Variants in ARPIN observed in about 807,000 individuals in gnomAD.
The protein encoded by ARPIN is actin related protein 2/3 complex inhibitor.
ARPIN carries 23 observed loss-of-function variants against 25.9 expected under a neutral mutation model. The ratio of observed to expected loss-of-function variants is 0.89; its 90% CI spans 0.64 to 1.26. ARPIN has a LOEUF of 1.26. ARPIN is among the 50% of genes most tolerant of loss of function. ARPIN has a pLI of 0.00. For synonymous variants in ARPIN, 126 were observed against 131.4 expected (o/e 0.96, Z 0.28); for missense variants, 333 against 312.2 (o/e 1.07, Z -0.50).
At position 89,897,479 on chromosome 15, in the gene ARPIN, C is replaced by T. The variant is rs1207154003; in HGVS notation, c.*4316G>A. The T allele has an allele frequency of 6.6e-6, 1 of 152,078 alleles. No individual in the cohort carries two copies. Among genetic ancestry groups the T allele is most frequent in the Non-Finnish European group, 1.5e-5 (1 of 68,126 alleles). The allele number at this position is 152,078 out of a possible 1,614,324, so 9.4% of individuals were successfully genotyped here. On this transcript the variant is annotated 3_prime_UTR_variant, in exon 6 of 6. Coordinates refer to ENST00000357484, the MANE Select transcript of ARPIN (RefSeq NM_182616.4). ...CAGCCTGGGCAACAAGAGCAAAACT[C>T]CATCTCAAAAAAAAGAAGAAGAAAA...
intron 4 of ARPIN, 117 bp downstream of exon 4, chr15:89,903,660 G>C (rs549032724): frequency 3.4e-6 from 5 of 1,490,754 alleles, no homozygotes; most frequent in Non-Finnish European, 4.5e-6. Context: ...GGGCTTGGTC[G>C]TGTCCCCATG....
rs3803535 is a variant in ARPIN, at chr15:89,898,574, T to G, written c.*3221A>C. The G allele has an allele frequency of 0.23, 34,862 of 152,120 alleles. 4,854 individuals are homozygous for G. The highest frequency in any genetic ancestry group is 0.35 in the South Asian group (1,692 of 4,818). 9.4% of individuals were successfully genotyped at this position (152,120 alleles called of 1,614,324 possible). Reference sequence around the variant, plus strand: ...TAACACTACGTTTGTTCCAACAAATTAGATCATAGAAACACCACCACTTTT... The same window carrying G: ...TAACACTACGTTTGTTCCAACAAATGAGATCATAGAAACACCACCACTTTT... On this transcript the variant is annotated 3_prime_UTR_variant, in exon 6 of 6. Coordinates refer to ENST00000357484, the MANE Select transcript of ARPIN (RefSeq NM_182616.4).
At chr15:89,911,561 A>T (rs145090973) in intron 1 of ARPIN, among the ~76,000 whole-genome samples, 1 of 152,140 alleles carries the variant, frequency 6.6e-6, no homozygotes, top group Non-Finnish European at 1.5e-5. Context: ...AACTCTACCT[A>T]GCTGGTCTCT....
chr15:89,910,638 GA>G, intron 2 of ARPIN, 105 bp downstream of exon 2: 1 of 1,415,160 alleles, frequency 7.1e-7, no homozygotes, highest in Non-Finnish European at 9.8e-7. Flanking sequence ...AGCCCATCAA[GA>G]ATCCCAACTC....
chr15:89,899,307 ACTC>A lies in ARPIN; in HGVS notation c.*2485_*2487del, dbSNP rs1896980631. On this transcript the variant is annotated 3_prime_UTR_variant, in exon 6 of 6. Coordinates refer to ENST00000357484, the MANE Select transcript of ARPIN (RefSeq NM_182616.4). ...ACTGTGTTGATCAGGCTGGTTTCGA[ACTC>A]CTGACCTCAAGTGATCCGCCCACCT... The A allele has an allele frequency of 6.6e-6, 1 of 151,620 alleles. No homozygotes were observed. Among genetic ancestry groups the A allele is most frequent in the Non-Finnish European group, 1.5e-5 (1 of 68,038 alleles). 9.4% of individuals were successfully genotyped at this position (151,620 alleles called of 1,614,324 possible). A position where few individuals can be genotyped will look rare whatever the true frequency, so the allele number is the denominator to read the frequency against.
In ARPIN at chr15:89,895,528, A is replaced by G. The variant is rs895840798; in HGVS notation, c.*6267T>C. ...GTAATATCAGTTTCCTAAACTGGAAAACTGGAAAATGAGTCTACTGACTTC... is the reference window on the plus strand; with the variant it reads ...GTAATATCAGTTTCCTAAACTGGAAGACTGGAAAATGAGTCTACTGACTTC... On this transcript the variant is annotated 3_prime_UTR_variant, in exon 6 of 6. Coordinates refer to ENST00000357484, the MANE Select transcript of ARPIN (RefSeq NM_182616.4). The G allele has an allele frequency of 2.0e-5, 3 of 152,248 alleles. No homozygotes were observed. The highest frequency in any genetic ancestry group is 2.0e-4 in the Admixed American group (3 of 15,286). 9.4% of individuals were successfully genotyped at this position (152,248 alleles called of 1,614,324 possible). A position where few individuals can be genotyped will look rare whatever the true frequency, so the allele number is the denominator to read the frequency against.
chr15:89,897,019 G>C lies in ARPIN; in HGVS notation c.*4776C>G, dbSNP rs1896940792. The C allele has an allele frequency of 6.6e-6, 1 of 152,170 alleles. No individual in the cohort carries two copies. The highest frequency in any genetic ancestry group is 2.4e-5 in the African/African-American group (1 of 41,418). 9.4% of individuals were successfully genotyped at this position (152,170 alleles called of 1,614,324 possible). On this transcript the variant is annotated 3_prime_UTR_variant, in exon 6 of 6. Coordinates refer to ENST00000357484, the MANE Select transcript of ARPIN (RefSeq NM_182616.4). Reference sequence around the variant, plus strand: ...AGATTCTCAGTAATATGACTCCTGGGCATCTGTTCCTAAAGAAATAACCCA... The same window carrying C: ...AGATTCTCAGTAATATGACTCCTGGCCATCTGTTCCTAAAGAAATAACCCA...
chr15:89,909,255 A>G (rs1244013409), intron 2 of ARPIN, among the ~76,000 whole-genome samples: 5 of 152,172 alleles, frequency 3.3e-5, no homozygotes, highest in Non-Finnish European at 7.3e-5. Flanking sequence ...GAACTGTGCT[A>G]TAAGTGCTGT....
In ARPIN at chr15:89,898,143, T is replaced by C. The variant is rs1017922063; in HGVS notation, c.*3652A>G. On this transcript the variant is annotated 3_prime_UTR_variant, in exon 6 of 6. Transcript: ENST00000357484. ...AAAAAAAAAAGAAAGAAAGAAAATT[T>C]CCCATATGAATGAAGCTCAGAGGAT... is the stretch of plus-strand genomic sequence containing the variant. The C allele has an allele frequency of 1.3e-4, 19 of 151,776 alleles. No individual in the cohort carries two copies. The highest frequency in any genetic ancestry group is 4.4e-4 in the African/African-American group (18 of 41,284). The allele number at this position is 151,776 out of a possible 1,614,324, so 9.4% of individuals were successfully genotyped here.
chr15:89,904,101 A>C, intron 3 of ARPIN, 118 bp from the exon 4 acceptor site: 2 of 1,250,682 alleles, frequency 1.6e-6, no homozygotes, highest in South Asian at 1.5e-5. Context: ...GGAGGCTGGG[A>C]CTCAGTGCCC....
chr15:89,902,831 C>G (rs74893277), intron 5 of ARPIN: 76,004 of 1,149,504 alleles, frequency 0.066, 2,838 homozygotes, highest in Middle Eastern at 0.086. Context: ...ACACTTCAGG[C>G]AAGGAGCCCA....
chr15:89,902,411 A>AAAAAT (rs889453323), intron 5 of ARPIN, among the ~76,000 whole-genome samples: 4 of 152,154 alleles, frequency 2.6e-5, no homozygotes, highest in Admixed American at 6.6e-5. Context: ...TCCGTCTCAA[A>AAAAAT]AAAATAAAAT....
In ARPIN at chr15:89,912,775, G is replaced by T; in HGVS notation, c.61C>A (p.Pro21Thr). ...RNKAVQSVRL[P>T]GAWDPAAHQG... ...TGGGCGGCGGGGTCCCAGGCCCCTG[G>T]CAGCCGGACGCTCTGCACCGCCTTG... The change falls in exon 1 of 6, where the codon CCA (proline) becomes ACA (threonine). Residue 21 changes from proline (P) to threonine (T), a missense_variant. Transcript: ENST00000357484. 6.7e-7 allele frequency: 1 copy of T among 1,503,652 alleles called. No individual in the cohort carries two copies. Among genetic ancestry groups the T allele is most frequent in the Non-Finnish European group, 8.8e-7 (1 of 1,130,712 alleles). 93.1% of individuals were successfully genotyped at this position (1,503,652 alleles called of 1,614,324 possible).
At chr15:89,911,563 C>G (rs909955072) in intron 1 of ARPIN, among the ~76,000 whole-genome samples, 2 of 152,180 alleles carry the variant, frequency 1.3e-5, no homozygotes, top group Non-Finnish European at 2.9e-5. Context: ...CTCTACCTAG[C>G]TGGTCTCTAT....
At chr15:89,912,662 A>AC in intron 1 of ARPIN, 82 bp downstream of exon 1, 1 of 661,660 alleles carries the variant, frequency 1.5e-6, no homozygotes, top group South Asian at 2.9e-5. Flanking sequence ...CCCCACCCGC[A>AC]TCCCACCCCC....
rs1000699869 is a variant in ARPIN, at chr15:89,896,929, T to C, written c.*4866A>G. On this transcript the variant is annotated 3_prime_UTR_variant, in exon 6 of 6. Transcript: ENST00000357484. ...CTCCCCTACATTGCTGGTGAAATTA[T>C]GGTTTAGAACAACCCTTTTGGGAAG... 6.6e-6 allele frequency: 1 copy of C among 152,250 alleles called. No individual in the cohort carries two copies. The highest frequency in any genetic ancestry group is 2.4e-5 in the African/African-American group (1 of 41,474). The allele number at this position is 152,250 out of a possible 1,614,324, so 9.4% of individuals were successfully genotyped here.
rs907955964 is a variant in ARPIN at position 89,899,832 on chromosome 15, C to A, written c.*1963G>T. The A allele has an allele frequency of 6.6e-6, 1 of 152,406 alleles. No homozygotes were observed. Among genetic ancestry groups the A allele is most frequent in the African/African-American group, 2.4e-5 (1 of 41,448 alleles). The allele number at this position is 152,406 out of a possible 1,614,324, so 9.4% of individuals were successfully genotyped here. ...AAGGATAAAGTCCCCAATTCCTTAA[C>A]ATGCGTGAGGATGCCATGCCCAATC... On this transcript the variant is annotated 3_prime_UTR_variant, in exon 6 of 6. Coordinates refer to ENST00000357484, the MANE Select transcript of ARPIN (RefSeq NM_182616.4).
At chr15:89,907,452 G>C (rs1057381833) in intron 3 of ARPIN, among the ~76,000 whole-genome samples, 2 of 152,196 alleles carry the variant, frequency 1.3e-5, no homozygotes, top group African/African-American at 4.8e-5. Context: ...ACCTTTAGGA[G>C]GTGAGTCATG....
chr15:89,912,075 C>T (rs1250520420), intron 1 of ARPIN: 9 of 513,400 alleles, frequency 1.8e-5, no homozygotes, highest in Non-Finnish European at 2.3e-5. Flanking sequence ...CCCGCCTCGG[C>T]CTCCCAAAGT....
Sources: gnomAD v4.1 joint callset for allele counts (sites outside exome capture counted in the v4.1 genomes callset) on GRCh38, gnomAD v4.1.1 for gene constraint, MANE v1.5 for transcripts, NCBI Gene and HGNC (gene_info 2026-07-23, HGNC 2026-07-21) for gene names.